The following AGBL4 variants were observed in gnomAD, a reference collection of about 807,000 sequenced individuals.
The protein encoded by AGBL4 is AGBL carboxypeptidase 4.
In AGBL4, 58 loss-of-function variants were observed where a neutral mutation model predicts 66.4. The observed-to-expected ratio is 0.87, with a 90% CI of 0.71 to 1.09. The LOEUF is 1.09. AGBL4 is among the 50% of genes least tolerant of loss of function. The probability of loss-of-function intolerance (pLI) is 0.00; values close to 1 mark genes in which losing one functional copy is unlikely to be tolerated. For synonymous variants in AGBL4, 234 were observed against 222.9 expected, an observed-to-expected ratio of 1.05 and a Z score of -0.44; for missense variants, 579 against 631.0, an observed-to-expected ratio of 0.92 and a Z score of 0.88.
chr1:48,713,971 C>T (rs1647007254), intron 6 of AGBL4, among the ~76,000 whole-genome samples: 1 of 152,142 alleles, frequency 6.6e-6, no homozygotes, highest in African/African-American at 2.4e-5. Context: ...ATGCCCCTAC[C>T]CAAGGCTTGC....
intron 2 of AGBL4, among the ~76,000 whole-genome samples, chr1:49,721,332 G>A (rs899413814): frequency 2.6e-5 from 4 of 152,084 alleles, no homozygotes; most frequent in African/African-American, 9.7e-5. Context: ...TCTTGCTGCT[G>A]CTCACTCTTT....
At chr1:49,033,469 C>G (rs1252058703) in intron 5 of AGBL4, among the ~76,000 whole-genome samples, 1 of 152,096 alleles carries the variant, frequency 6.6e-6, no homozygotes, top group African/African-American at 2.4e-5. Flanking sequence ...CGGGAAGGAA[C>G]AGAAAGAACA....
chr1:49,287,451 C>T (rs1239607975), intron 3 of AGBL4, among the ~76,000 whole-genome samples: 14 of 149,478 alleles, frequency 9.4e-5, no homozygotes, highest in African/African-American at 1.7e-4. Context: ...AGAAAATTTT[C>T]GCAACCTACT....
chr1:49,871,109 C>A (rs1646828676), intron 1 of AGBL4, among the ~76,000 whole-genome samples: 1 of 152,030 alleles, frequency 6.6e-6, no homozygotes. Context: ...TTCAGAATTT[C>A]TCTGTAAATC....
intron 6 of AGBL4, among the ~76,000 whole-genome samples, chr1:48,806,887 C>T (rs1645936591): frequency 6.6e-6 from 1 of 151,952 alleles, no homozygotes. Flanking sequence ...GAACTATTCC[C>T]AACCAACATT....
rs369160909 is a variant in AGBL4 at position 49,201,263 on chromosome 1, A to T, written c.377+44507T>A. ...TGGACTTGGTCCTGCATCCCCTGTT[A>T]ACTTTCTGTTCACTCCATATTCTCT... On this transcript the variant is annotated intron_variant, in intron 4 of 13. Transcript: ENST00000371839. Among the ~76,000 whole-genome samples, 24 of 152,186 alleles carry T rather than the reference A, an allele frequency of 1.6e-4. 1 individual carries two copies. The East Asian group carries it at 1.9e-3, about 12-fold the overall frequency.
chr1:49,250,579 G>C (rs2148336439), intron 3 of AGBL4, among the ~76,000 whole-genome samples: 1 of 152,062 alleles, frequency 6.6e-6, no homozygotes, highest in African/African-American at 2.4e-5. Flanking sequence ...GAGTAGCTGG[G>C]ACTACAGGTG....
chr1:49,146,346 C>T (rs1569820777), intron 4 of AGBL4, among the ~76,000 whole-genome samples: 2 of 151,872 alleles, frequency 1.3e-5, no homozygotes, highest in South Asian at 4.2e-4. Flanking sequence ...ATGCTTGTAC[C>T]AAAATATCTC....
At position 49,558,258 on chromosome 1, in the gene AGBL4, G is replaced by T. The variant is rs1172927331; in HGVS notation, c.282+139055C>A. Among the ~76,000 whole-genome samples, 8 of 152,156 alleles carry T rather than the reference G, an allele frequency of 5.3e-5. No individual in the cohort carries two copies. In the East Asian group the frequency reaches 1.2e-3, roughly 22 times the overall value. ...GAGAAAAGTAGAGAAAAAAATAAAG[G>T]GGACTTTGCCTTGAACCTTAGGTAC... On this transcript the variant is annotated intron_variant, in intron 3 of 13. Coordinates refer to ENST00000371839, the MANE Select transcript of AGBL4 (RefSeq NM_032785.4).
chr1:49,656,760 C>T (rs924524385), intron 3 of AGBL4, among the ~76,000 whole-genome samples: 6 of 152,158 alleles, frequency 3.9e-5, no homozygotes, highest in East Asian at 1.9e-4. Context: ...AAAAACCACA[C>T]GATTATCTCA....
intron 4 of AGBL4, among the ~76,000 whole-genome samples, chr1:49,095,383 C>A (rs1645077110): frequency 6.6e-6 from 1 of 152,140 alleles, no homozygotes; most frequent in Non-Finnish European, 1.5e-5. Flanking sequence ...CCAAGTTAAT[C>A]CTAAGCCAAA....
intron 8 of AGBL4, among the ~76,000 whole-genome samples, chr1:48,634,822 G>GAAACT (rs1645643917): frequency 6.6e-6 from 1 of 152,188 alleles, no homozygotes; most frequent in East Asian, 1.9e-4. Context: ...TGCAGAGTAA[G>GAAACT]AAACTGAGTC....
At chr1:49,844,939 A>G (rs1646097561) in intron 2 of AGBL4, 4 of 1,363,092 alleles carry the variant, frequency 2.9e-6, no homozygotes, top group Admixed American at 1.7e-5. Flanking sequence ...TGGGGAAAAC[A>G]GAAGTCTGAA....
intron 5 of AGBL4, among the ~76,000 whole-genome samples, chr1:49,005,692 T>G (rs1415194733): frequency 6.6e-6 from 1 of 152,166 alleles, no homozygotes; most frequent in African/African-American, 2.4e-5. Flanking sequence ...TATATAGGAT[T>G]TTGTACTATC....
At chr1:49,825,869 A>C (rs1016362714) in intron 2 of AGBL4, among the ~76,000 whole-genome samples, 3 of 151,974 alleles carry the variant, frequency 2.0e-5, no homozygotes, top group Admixed American at 6.6e-5. Context: ...ACACACACAC[A>C]CACACCTTTT....
chr1:49,001,222 G>C (rs1661371995), intron 5 of AGBL4, among the ~76,000 whole-genome samples: 1 of 152,158 alleles, frequency 6.6e-6, no homozygotes, highest in Non-Finnish European at 1.5e-5. Context: ...AGTTCAAAGA[G>C]GAATTAAAGT....
intron 4 of AGBL4, among the ~76,000 whole-genome samples, chr1:49,147,740 G>A (rs1187020524): frequency 6.6e-6 from 1 of 152,094 alleles, no homozygotes; most frequent in Non-Finnish European, 1.5e-5. Flanking sequence ...AGATGTTGAT[G>A]TATAAATGAA....
intron 5 of AGBL4, among the ~76,000 whole-genome samples, chr1:49,008,274 C>T (rs890821796): frequency 5.3e-5 from 8 of 151,910 alleles, no homozygotes; most frequent in Non-Finnish European, 1.0e-4. Context: ...TCAAAAGAGA[C>T]AAAGAAGGCC....
intron 3 of AGBL4, among the ~76,000 whole-genome samples, chr1:49,294,253 T>C (rs985788764): frequency 6.6e-6 from 1 of 152,222 alleles, no homozygotes; most frequent in Non-Finnish European, 1.5e-5. Context: ...CAGATGATTT[T>C]TGAAATGCTT....
Sources: gnomAD v4.1 joint callset for allele counts (sites outside exome capture counted in the v4.1 genomes callset) on GRCh38, gnomAD v4.1.1 for gene constraint, MANE v1.5 for transcripts, NCBI Gene and HGNC (gene_info 2026-07-23, HGNC 2026-07-21) for gene names.